The following SMYD3 variants were observed in gnomAD, a reference collection of about 807,000 sequenced individuals.
SMYD3 encodes histone-lysine N-methyltransferase SMYD3.
In SMYD3, 36 loss-of-function variants were observed where a neutral mutation model predicts 57.7. That is an observed-to-expected ratio of 0.62 (90% confidence interval 0.48 to 0.82). The LOEUF (loss-of-function observed/expected upper bound fraction) is 0.82, where lower values mean the gene tolerates loss of function less well. SMYD3 is among the 40% of genes least tolerant of loss of function. The probability of loss-of-function intolerance (pLI) is 0.00; values close to 1 mark genes in which losing one functional copy is unlikely to be tolerated. For missense variants in SMYD3, 515 were observed against 538.8 expected (o/e 0.96, Z 0.44); for synonymous variants, 211 against 195.0 (o/e 1.08, Z -0.68).
chr1:246,241,254 G>A (rs922517745), intron 5 of SMYD3, among the ~76,000 whole-genome samples: 3 of 152,170 alleles, frequency 2.0e-5, no homozygotes, highest in African/African-American at 7.2e-5. Flanking sequence ...TTATTATTTA[G>A]AGATACGTCA....
At chr1:246,215,990 T>A (rs773576548) in intron 5 of SMYD3, among the ~76,000 whole-genome samples, 1 of 152,062 alleles carries the variant, frequency 6.6e-6, no homozygotes, top group Non-Finnish European at 1.5e-5. Context: ...TCTGGACTAA[T>A]GTGAAAAACA....
intron 2 of SMYD3, among the ~76,000 whole-genome samples, chr1:246,348,060 T>TTTTATATATATA (rs1553336532): frequency 1.2e-5 from 1 of 82,978 alleles, no homozygotes; most frequent in Non-Finnish European, 2.7e-5. Context: ...AAAGAAAACG[T>TTTTATATATATA]TATATATATA....
chr1:246,061,703 C>A (rs538470225), intron 5 of SMYD3, among the ~76,000 whole-genome samples: 1 of 152,052 alleles, frequency 6.6e-6, no homozygotes, highest in African/African-American at 2.4e-5. Context: ...CCAGCCTGGG[C>A]GACAGAGTGA....
chr1:246,309,867 A>T (rs983617440), intron 5 of SMYD3, among the ~76,000 whole-genome samples: 2 of 151,700 alleles, frequency 1.3e-5, no homozygotes, highest in Non-Finnish European at 2.9e-5. Flanking sequence ...GTCTCTGCAA[A>T]AGAAAAAAGA....
chr1:246,488,349 A>C (rs6690167), intron 1 of SMYD3, among the ~76,000 whole-genome samples: 13,791 of 152,260 alleles, frequency 0.091, 2,029 homozygotes, highest in African/African-American at 0.31. Context: ...AAACAGAAGA[A>C]AGTGAAGGGT....
chr1:246,060,912 C>T (rs1244156565), intron 5 of SMYD3, among the ~76,000 whole-genome samples: 1 of 152,148 alleles, frequency 6.6e-6, no homozygotes, highest in Non-Finnish European at 1.5e-5. Flanking sequence ...TGATTTTATT[C>T]ACATATTCAT....
intron 10 of SMYD3, among the ~76,000 whole-genome samples, chr1:245,837,076 G>A (rs2050139908): frequency 6.6e-6 from 1 of 152,028 alleles, no homozygotes; most frequent in Admixed American, 6.6e-5. Context: ...GGGCGCAGTG[G>A]CAGCACTTTG....
chr1:245,912,316 G>C (rs909551827), intron 8 of SMYD3, among the ~76,000 whole-genome samples: 1 of 151,944 alleles, frequency 6.6e-6, no homozygotes, highest in East Asian at 1.9e-4. Context: ...GAGGTGAAAG[G>C]CCTCTGCAAT....
intron 2 of SMYD3, among the ~76,000 whole-genome samples, chr1:246,344,700 A>G (rs568752115): frequency 2.0e-5 from 3 of 152,340 alleles, no homozygotes; most frequent in Admixed American, 6.5e-5. Flanking sequence ...ACCAGTGAAC[A>G]AGAGTTCCAG....
intron 5 of SMYD3, among the ~76,000 whole-genome samples, chr1:246,045,085 C>T (rs577373059): frequency 1.3e-5 from 2 of 152,248 alleles, no homozygotes; most frequent in Non-Finnish European, 2.9e-5. Flanking sequence ...CAATGCCATC[C>T]CCATCAAGCT....
At chr1:246,401,412 C>A (rs2066766844) in intron 1 of SMYD3, among the ~76,000 whole-genome samples, 1 of 152,132 alleles carries the variant, frequency 6.6e-6, no homozygotes, top group Admixed American at 6.5e-5. Context: ...CGGCTCACTG[C>A]AAACTCTGCC....
chr1:246,142,241 G>C (rs888836420), intron 5 of SMYD3, among the ~76,000 whole-genome samples: 31 of 152,086 alleles, frequency 2.0e-4, no homozygotes, highest in African/African-American at 7.5e-4. Flanking sequence ...TTATAAATTA[G>C]GCACAGAGAT....
At chr1:246,365,323 C>CAA (rs74386969) in intron 1 of SMYD3, among the ~76,000 whole-genome samples, 4 of 129,850 alleles carry the variant, frequency 3.1e-5, no homozygotes, top group Admixed American at 7.9e-5. Context: ...CTCATTTCTA[C>CAA]AAAAAAAAAA....
intron 10 of SMYD3, among the ~76,000 whole-genome samples, chr1:245,836,001 G>A (rs1353927978): frequency 6.6e-6 from 1 of 152,106 alleles, no homozygotes; most frequent in Non-Finnish European, 1.5e-5. Context: ...AGACAACAAA[G>A]GCTCATTCCT....
chr1:246,502,973 T>C (rs1321981203), intron 1 of SMYD3, among the ~76,000 whole-genome samples: 1 of 152,176 alleles, frequency 6.6e-6, no homozygotes, highest in East Asian at 1.9e-4. Flanking sequence ...CACTTCCTTC[T>C]ACCACTGCTG....
At chr1:246,453,212 A>T (rs2067655789) in intron 1 of SMYD3, among the ~76,000 whole-genome samples, 1 of 152,258 alleles carries the variant, frequency 6.6e-6, no homozygotes, top group Non-Finnish European at 1.5e-5. Context: ...AAGTTAGTAG[A>T]AACAGGCTTA....
At chr1:246,387,124 G>A (rs1408476542) in intron 1 of SMYD3, among the ~76,000 whole-genome samples, 3 of 152,270 alleles carry the variant, frequency 2.0e-5, no homozygotes, top group East Asian at 3.9e-4. Context: ...TTACCATTTA[G>A]AAGCTTCCTT....
intron 5 of SMYD3, among the ~76,000 whole-genome samples, chr1:246,198,300 C>A (rs2062856601): frequency 6.6e-6 from 1 of 152,158 alleles, no homozygotes; most frequent in African/African-American, 2.4e-5. Context: ...ACAGATGTAA[C>A]CAGCAATGTG....
chr1:245,970,635 G>A (rs2058275127), intron 5 of SMYD3, among the ~76,000 whole-genome samples: 1 of 152,158 alleles, frequency 6.6e-6, no homozygotes, highest in Non-Finnish European at 1.5e-5. Context: ...ATCAGAAAGT[G>A]AGTGAAGGAT....
Sources: allele counts gnomAD v4.1 joint callset (sites outside exome capture counted in the v4.1 genomes callset), GRCh38; gene constraint gnomAD v4.1.1; transcripts MANE v1.5; gene names NCBI Gene and HGNC (gene_info 2026-07-23, HGNC 2026-07-21).